MNAT1: variants seen among roughly 807,000 people sequenced by gnomAD.
The protein encoded by MNAT1 is MNAT1 component of CDK activating kinase.
In MNAT1, 43 loss-of-function variants were observed where a neutral mutation model predicts 42.0. That is an observed-to-expected ratio of 1.02 (90% CI 0.80 to 1.32). The LOEUF (loss-of-function observed/expected upper bound fraction) is 1.32, where lower values mean the gene tolerates loss of function less well. MNAT1 is among the 40% of genes most tolerant of loss of function. The pLI, the probability that MNAT1 is intolerant of heterozygous loss-of-function variation, is 0.00. For synonymous variants in MNAT1, 118 were observed against 120.0 expected (o/e 0.98, Z 0.11); for missense variants, 306 against 350.4 (o/e 0.87, Z 1.01).
At chr14:60,908,201 C>G (rs1252876946) in intron 7 of MNAT1, among the ~76,000 whole-genome samples, 1 of 151,988 alleles carries the variant, frequency 6.6e-6, no homozygotes, top group Non-Finnish European at 1.5e-5. Flanking sequence ...TTACTTATTT[C>G]TTTCATGATA....
At chr14:60,759,667 CTGT>C (rs1357899789) in intron 1 of MNAT1, among the ~76,000 whole-genome samples, 5 of 152,110 alleles carry the variant, frequency 3.3e-5, no homozygotes, top group East Asian at 1.9e-4. Flanking sequence ...GAGACTTTTC[CTGT>C]TGTTGTTTAA....
At chr14:60,965,217 C>T (rs1439453542) in intron 7 of MNAT1, among the ~76,000 whole-genome samples, 1 of 152,164 alleles carries the variant, frequency 6.6e-6, no homozygotes, top group African/African-American at 2.4e-5. Flanking sequence ...GAGAATTGTA[C>T]AACTTAGCAT....
chr14:60,753,436 G>C (rs1489329800), intron 1 of MNAT1: 2 of 152,186 alleles, frequency 1.3e-5, no homozygotes, highest in African/African-American at 4.8e-5. Context: ...GTTTTTGTCA[G>C]GAGTCCTCAG....
In MNAT1 at chr14:60,813,165, G is replaced by A. The variant is rs546622084; in HGVS notation, c.561+1038G>A. ...TTGAGGCAACATGCCTGGTCTGGCTGTGGGCCCCACGTAGAGTTTGCTTCT... is the reference window on the plus strand; with the variant it reads ...TTGAGGCAACATGCCTGGTCTGGCTATGGGCCCCACGTAGAGTTTGCTTCT... On this transcript the variant is annotated intron_variant, in intron 5 of 7. Coordinates refer to ENST00000261245, the MANE Select transcript of MNAT1 (RefSeq NM_002431.4). Among the ~76,000 whole-genome samples the A allele has an allele frequency of 3.9e-5, 6 of 152,344 alleles. No homozygotes were observed. The East Asian group carries it at 1.2e-3, about 29-fold the overall frequency.
intron 7 of MNAT1, among the ~76,000 whole-genome samples, chr14:60,901,642 A>G (rs1438305981): frequency 6.6e-6 from 1 of 152,242 alleles, no homozygotes; most frequent in African/African-American, 2.4e-5. Flanking sequence ...CAGCATTATC[A>G]GGAATTTGAA....
chr14:60,748,649 C>T (rs118035937), intron 1 of MNAT1, among the ~76,000 whole-genome samples: 1 of 152,180 alleles, frequency 6.6e-6, no homozygotes, highest in African/African-American at 2.4e-5. Context: ...CACTGTCTCC[C>T]CTCTCCACGT....
intron 1 of MNAT1, among the ~76,000 whole-genome samples, chr14:60,747,451 G>A (rs2029885086): frequency 6.6e-6 from 1 of 152,130 alleles, no homozygotes; most frequent in Non-Finnish European, 1.5e-5. Flanking sequence ...TCTGTATAGT[G>A]TGTTACTGTA....
intron 3 of MNAT1, among the ~76,000 whole-genome samples, chr14:60,800,359 G>A (rs530079578): frequency 6.6e-6 from 1 of 152,096 alleles, no homozygotes; most frequent in South Asian, 2.1e-4. Context: ...GATCAGCCTG[G>A]ACAACATAAT....
At chr14:60,828,222 C>T (rs2033109297) in intron 6 of MNAT1, among the ~76,000 whole-genome samples, 4 of 152,126 alleles carry the variant, frequency 2.6e-5, no homozygotes, top group Admixed American at 1.3e-4. Flanking sequence ...AATTACTCAA[C>T]TCTTAAAAAA....
At chr14:60,869,040 A>ATATATATATATTTTTT (rs1465360826) in intron 6 of MNAT1, among the ~76,000 whole-genome samples, 2 of 113,054 alleles carry the variant, frequency 1.8e-5, no homozygotes, top group Non-Finnish European at 3.7e-5. Context: ...ATATATATAT[A>ATATATATATATTTTTT]TTTTTTTTTT....
chr14:60,940,575 G>T (rs868868007), intron 7 of MNAT1, among the ~76,000 whole-genome samples: 1 of 152,052 alleles, frequency 6.6e-6, no homozygotes, highest in Admixed American at 6.5e-5. Context: ...CTGTCACCAC[G>T]CCCAGCTAAT....
At chr14:60,914,262 CT>C (rs1302111802) in intron 7 of MNAT1, among the ~76,000 whole-genome samples, 2 of 152,210 alleles carry the variant, frequency 1.3e-5, no homozygotes, top group East Asian at 3.8e-4. Flanking sequence ...TCCCTGACCC[CT>C]TGCGCTTCCC....
intron 6 of MNAT1, among the ~76,000 whole-genome samples, chr14:60,847,425 T>C (rs1377599111): frequency 6.6e-6 from 1 of 151,800 alleles, no homozygotes; most frequent in Non-Finnish European, 1.5e-5. Flanking sequence ...AAAAAAGACT[T>C]GTTTTATTTT....
At position 60,954,244 on chromosome 14, in the gene MNAT1, A is replaced by G. The variant is rs533913753; in HGVS notation, c.810-13985A>G. 5.3e-5 allele frequency among the ~76,000 whole-genome samples: 8 copies of G among 152,312 alleles called. No individual in the cohort carries two copies. In the East Asian group the frequency reaches 7.7e-4, roughly 15 times the overall value. On this transcript the variant is annotated intron_variant, in intron 7 of 7. Coordinates refer to ENST00000261245, the MANE Select transcript of MNAT1 (RefSeq NM_002431.4). ...TTTCTCTATTTCTGTGAAAAATGTC[A>G]TAAGAATTTTGATAGAAAAATGTGA...
intron 7 of MNAT1, among the ~76,000 whole-genome samples, chr14:60,891,496 C>T (rs1391202257): frequency 2.0e-5 from 3 of 151,688 alleles, no homozygotes; most frequent in Admixed American, 6.6e-5. Context: ...CTGTTGCCCA[C>T]GCCAGAGTGC....
chr14:60,879,228 C>G (rs1035866017), intron 6 of MNAT1, among the ~76,000 whole-genome samples: 3 of 151,984 alleles, frequency 2.0e-5, no homozygotes, highest in Non-Finnish European at 4.4e-5. Flanking sequence ...GATGTTTGTT[C>G]TTTTTTCAAT....
intron 3 of MNAT1, among the ~76,000 whole-genome samples, chr14:60,805,577 C>T (rs2032342046): frequency 1.3e-5 from 2 of 152,078 alleles, no homozygotes; most frequent in Admixed American, 6.6e-5. Context: ...TCCTCCCTAC[C>T]CCAACCCCTG....
intron 1 of MNAT1, among the ~76,000 whole-genome samples, chr14:60,763,017 T>G (rs2030673730): frequency 6.6e-6 from 1 of 152,216 alleles, no homozygotes; most frequent in South Asian, 2.1e-4. Context: ...GTACAACTTC[T>G]TAATTTTAAT....
intron 1 of MNAT1, among the ~76,000 whole-genome samples, chr14:60,746,451 G>T (rs1464498856): frequency 6.6e-6 from 1 of 151,440 alleles, no homozygotes; most frequent in Non-Finnish European, 1.5e-5. Context: ...GGAGGTGGAG[G>T]TTGCAGTGAG....
Sources: gnomAD v4.1 joint callset for allele counts (sites outside exome capture counted in the v4.1 genomes callset) on GRCh38, gnomAD v4.1.1 for gene constraint, MANE v1.5 for transcripts, NCBI Gene and HGNC (gene_info 2026-07-23, HGNC 2026-07-21) for gene names.